NAV2: variants seen among roughly 807,000 people sequenced by gnomAD.
NAV2 encodes neuron navigator 2.
A neutral mutation model predicts 223.2 loss-of-function variants in NAV2; 54 were observed. That is an observed-to-expected ratio of 0.24 (90% CI 0.19 to 0.30). NAV2 has a LOEUF of 0.30. Among genes scored for constraint, NAV2 ranks in the 10% least tolerant of loss-of-function variants. The pLI is 1.00. For synonymous variants in NAV2, 1,279 were observed against 1,239.3 expected (o/e 1.03, Z -0.67); for missense variants, 2,806 against 3,147.5 (o/e 0.89, Z 2.60).
intron 1 of NAV2, among the ~76,000 whole-genome samples, chr11:19,745,756 CG>C (rs2152477370): frequency 1.3e-5 from 2 of 152,148 alleles, no homozygotes; most frequent in East Asian, 3.9e-4. Flanking sequence ...AGTTCACAAT[CG>C]GGTTCACGCT....
chr11:19,624,172 G>A (rs1379029291), intron 1 of NAV2, among the ~76,000 whole-genome samples: 1 of 152,170 alleles, frequency 6.6e-6, no homozygotes, highest in Non-Finnish European at 1.5e-5. Flanking sequence ...GTGTCAGTCG[G>A]ACCCTACTGC....
rs139281639 is a variant in NAV2, at chr11:20,040,455, T to C, written c.2908-3526T>C. 6.5e-4 allele frequency among the ~76,000 whole-genome samples: 99 copies of C among 152,304 alleles called. 2 individuals carry two copies. Among genetic ancestry groups the C allele is most frequent in the Non-Finnish European group, 7.1e-4 (48 of 68,034 alleles). On this transcript the variant is annotated intron_variant, in intron 12 of 37. Coordinates refer to ENST00000349880, the MANE Select transcript of NAV2 (RefSeq NM_145117.5). ...TATCATCCATGTTTTATACATGAGT[T>C]AATAAGTTCAGATAAGTAGGGCAAT...
chr11:20,022,471 A>G (rs17614676), intron 11 of NAV2: 52,906 of 868,156 alleles, frequency 0.061, 1,875 homozygotes, highest in Admixed American at 0.071. Flanking sequence ...AATTGACATC[A>G]CCGGAAATAA....
intron 11 of NAV2, among the ~76,000 whole-genome samples, chr11:20,030,653 A>G (rs2055624521): frequency 6.6e-6 from 1 of 152,232 alleles, no homozygotes; most frequent in Admixed American, 6.5e-5. Context: ...GATGTCTGAC[A>G]GGGTAGATTT....
At chr11:19,728,799 C>G (rs1479250760) in intron 1 of NAV2, among the ~76,000 whole-genome samples, 1 of 152,140 alleles carries the variant, frequency 6.6e-6, no homozygotes, top group Non-Finnish European at 1.5e-5. Context: ...AAGAAAAGTC[C>G]AAGGCAGAAC....
intron 1 of NAV2, among the ~76,000 whole-genome samples, chr11:19,746,640 A>G (rs2053374812): frequency 6.6e-6 from 1 of 152,128 alleles, no homozygotes; most frequent in Admixed American, 6.5e-5. Flanking sequence ...TTTAATTTAA[A>G]TTGTATCTGA....
intron 11 of NAV2, among the ~76,000 whole-genome samples, chr11:20,011,090 G>C (rs2053527818): frequency 6.6e-6 from 1 of 152,154 alleles, no homozygotes; most frequent in African/African-American, 2.4e-5. Flanking sequence ...CTTTCTTGCT[G>C]TTAGGCCATC....
chr11:19,832,525 C>T lies in NAV2; in HGVS notation c.309C>T (p.Gly103=), dbSNP rs2060002321. The T allele has an allele frequency of 6.2e-7, 1 of 1,614,176 alleles. No homozygotes were observed. Among genetic ancestry groups the T allele is most frequent in the African/African-American group, 1.3e-5 (1 of 75,044 alleles). ...DWANHYLAKS[G]HKRLIRDLQQ... ...CCAATCATTACCTAGCCAAATCCGG[C>T]CACAAGCGTCTCATCAGGGATCTCC... The change falls in exon 2 of 38, where the codon GGC becomes GGT. Residue 103 remains glycine, a synonymous_variant. Transcript: ENST00000349880.
chr11:20,107,790 G>A lies in NAV2; in HGVS notation c.6960+8G>A, dbSNP rs917974967. The A allele has an allele frequency of 2.5e-6, 4 of 1,585,780 alleles. No individual in the cohort carries two copies. In the African/African-American group the frequency reaches 5.4e-5, roughly 21 times the overall value. On this transcript the variant is annotated splice_region_variant and intron_variant, in intron 36 of 37. Transcript: ENST00000349880. ...GTCAGAGAAGGACTCCAGGTGAGAA[G>A]ACACCCCTGCTGGCTTCCTTGAAGC...
intron 11 of NAV2, among the ~76,000 whole-genome samples, chr11:19,992,668 AC>A (rs2051459533): frequency 1.4e-5 from 2 of 147,326 alleles, no homozygotes; most frequent in South Asian, 4.3e-4. Flanking sequence ...GCTCAATGTA[AC>A]CTCTGCCTTC....
intron 11 of NAV2, among the ~76,000 whole-genome samples, chr11:20,005,093 G>C (rs999922955): frequency 2.0e-5 from 3 of 151,920 alleles, no homozygotes; most frequent in African/African-American, 7.3e-5. Flanking sequence ...ATTCTCACTG[G>C]CCCACAAGCT....
rs543612145 is a variant in NAV2 at position 19,924,391 on chromosome 11, A to G, written c.932-8785A>G. On this transcript the variant is annotated intron_variant, in intron 6 of 37. Transcript: ENST00000349880. ...ATGGTTTCACTTGGTTTTATCCAAA[A>G]TAAGCCACTGAAGAAAAAGGATTAC... is the stretch of plus-strand genomic sequence containing the variant. 2.0e-5 allele frequency among the ~76,000 whole-genome samples: 3 copies of G among 152,328 alleles called. No individual in the cohort carries two copies. The South Asian group carries it at 6.2e-4, about 32-fold the overall frequency.
chr11:19,374,092 A>T (rs745602998), intron 1 of NAV2, among the ~76,000 whole-genome samples: 1 of 152,222 alleles, frequency 6.6e-6, no homozygotes, highest in Non-Finnish European at 1.5e-5. Context: ...AATTATAATA[A>T]TGTTATCATG....
chr11:19,817,937 C>T (rs1224913195), intron 1 of NAV2, among the ~76,000 whole-genome samples: 9 of 152,072 alleles, frequency 5.9e-5, no homozygotes, highest in African/African-American at 9.7e-5. Flanking sequence ...GGGGAGAGTT[C>T]GGATCGTATT....
At chr11:19,397,526 T>C (rs1277912894) in intron 1 of NAV2, among the ~76,000 whole-genome samples, 1 of 152,128 alleles carries the variant, frequency 6.6e-6, no homozygotes, top group Non-Finnish European at 1.5e-5. Context: ...CTCTGGTACA[T>C]GTGTTTATGG....
intron 3 of NAV2, among the ~76,000 whole-genome samples, chr11:19,843,130 T>A (rs1271196984): frequency 6.6e-6 from 1 of 152,214 alleles, no homozygotes; most frequent in Non-Finnish European, 1.5e-5. Context: ...TTTATGTAGA[T>A]TGTGAGACAG....
At chr11:19,661,872 C>T (rs78213729) in intron 1 of NAV2, among the ~76,000 whole-genome samples, 1 of 152,090 alleles carries the variant, frequency 6.6e-6, no homozygotes, top group Non-Finnish European at 1.5e-5. Context: ...AATTGCTACT[C>T]AATTAATTAG....
At chr11:19,516,578 C>T (rs1438706130) in intron 1 of NAV2, among the ~76,000 whole-genome samples, 2 of 152,184 alleles carry the variant, frequency 1.3e-5, no homozygotes, top group Non-Finnish European at 2.9e-5. Flanking sequence ...GTTTTGTTTT[C>T]CTTTGGCTGA....
At chr11:20,100,566 TG>T (rs2061568652) in intron 31 of NAV2, among the ~76,000 whole-genome samples, 1 of 150,918 alleles carries the variant, frequency 6.6e-6, no homozygotes. Flanking sequence ...TGTGTGTGTG[TG>T]TGTGTGTGTG....
Sources: gnomAD v4.1 joint callset for allele counts (sites outside exome capture counted in the v4.1 genomes callset) on GRCh38, gnomAD v4.1.1 for gene constraint, MANE v1.5 for transcripts, NCBI Gene and HGNC (gene_info 2026-07-23, HGNC 2026-07-21) for gene names.